Variants in PEX16 observed in about 807,000 individuals in gnomAD.
The protein encoded by PEX16 is peroxin 16.
A neutral mutation model predicts 50.5 loss-of-function variants in PEX16; 37 were observed. The ratio of observed to expected loss-of-function variants is 0.73; its 90% confidence interval spans 0.56 to 0.96. The LOEUF is 0.96. PEX16 is among the 40% of genes least tolerant of loss of function. The pLI is 0.00. For missense variants in PEX16, 401 were observed against 438.3 expected, an observed-to-expected ratio of 0.91 and a Z score of 0.76; for synonymous variants, 185 against 190.3, an observed-to-expected ratio of 0.97 and a Z score of 0.23.
At chr11:45,917,938 G>C (rs2086858174), upstream of PEX16, 3 of 734,396 alleles carry the variant, frequency 4.1e-6, no homozygotes, top group African/African-American at 5.2e-5. Context: ...CCGCGGGCCA[G>C]AAGGCTGAGG....
intron 10 of PEX16, 111 bp downstream of exon 10, chr11:45,910,787 C>G: frequency 9.1e-7 from 1 of 1,100,958 alleles, no homozygotes. Context: ...TCCCGACTTC[C>G]TCTCCTGACT....
upstream of PEX16, chr11:45,918,398 TCAACAAAG>T: frequency 5.6e-6 from 1 of 178,498 alleles, no homozygotes; most frequent in Non-Finnish European, 1.2e-5. Context: ...CTCCGTTTCC[TCAACAAAG>T]GTAGTGCTGG....
chr11:45,917,952 T>TG (rs2086858386), upstream of PEX16: 1 of 715,742 alleles, frequency 1.4e-6, no homozygotes, highest in Admixed American at 2.0e-5. Flanking sequence ...GCTGAGGACT[T>TG]GAAGAACCGG....
At chr11:45,917,966 A>G, upstream of PEX16, 2 of 695,992 alleles carry the variant, frequency 2.9e-6, no homozygotes, top group Non-Finnish European at 5.2e-6. Flanking sequence ...GAACCGGTGA[A>G]CCACCCTTCA....
chr11:45,917,664 G>A, intron 1 of PEX16, 36 bp downstream of exon 1: 6 of 1,516,354 alleles, frequency 4.0e-6, no homozygotes, highest in Non-Finnish European at 5.4e-6. Context: ...CATAGGTCAG[G>A]GCCCAGAAGG....
intron 1 of PEX16, 101 bp from the exon 2 acceptor site, chr11:45,917,594 G>C: frequency 6.6e-7 from 1 of 1,517,718 alleles, no homozygotes; most frequent in Non-Finnish European, 9.0e-7. Context: ...GAACCTGGAC[G>C]GGTCTTCTCA....
At chr11:45,911,451 G>C (rs960906676) in intron 9 of PEX16, among the ~76,000 whole-genome samples, 2 of 152,260 alleles carry the variant, frequency 1.3e-5, no homozygotes, top group South Asian at 2.1e-4. Flanking sequence ...CAGGGGAAGG[G>C]GCAAGGCCCA....
rs3215273 is a variant in PEX16, at chr11:45,916,417, CTA to C, written c.149-116_149-115del. 499,318 of 831,730 alleles carry C rather than the reference CTA, an allele frequency of 0.6. 164,236 individuals carry two copies. Among genetic ancestry groups the C allele is most frequent in the Non-Finnish European group, 0.7 (335,154 of 479,600 alleles). The allele number at this position is 831,730 out of a possible 1,614,324, so 51.5% of individuals were successfully genotyped here. A position where few individuals can be genotyped will look rare whatever the true frequency, so the allele number is the denominator to read the frequency against. ...CATGCTCTGCTCAGACACCCACAGA[CTA>C]TGTGGAAACCAACCTTCTTCTCCAC... On this transcript the variant is annotated intron_variant, in intron 2 of 10. Transcript: ENST00000378750.
chr11:45,914,452 G>A lies in PEX16; in HGVS notation c.558C>T (p.Ser186=). Residue 186 remains serine (S), a synonymous_variant, in exon 7 of 11, where the codon TCC becomes TCT. Coordinates refer to ENST00000378750, the MANE Select transcript of PEX16 (RefSeq NM_004813.4). ...GCTGCTGGGGAGCTCCCCAGTGCCT[G>A]GAGTGCAGGGACGGCGCTAGAACAC... is the stretch of plus-strand genomic sequence containing the variant. The part of the protein sequence containing the change: ...RTLQNTPSLH[S]RHWGAPQQRE... 1 of 1,608,304 alleles carries A rather than the reference G, an allele frequency of 6.2e-7. No individual in the cohort carries two copies. Among genetic ancestry groups the A allele is most frequent in the Non-Finnish European group, 8.5e-7 (1 of 1,179,926 alleles).
chr11:45,910,283 G>A lies in PEX16; in HGVS notation c.982C>T (p.Gln328Ter), dbSNP rs1306147163. Residue 328 changes from glutamine (Q) to a stop codon, truncating the protein, a stop_gained, in exon 11 of 11, where the codon CAG becomes TAG. Transcript: ENST00000378750. LOFTEE classifies it high-confidence loss of function. ...CCCCAACTGTAGAAGTAGATTTTCT[G>A]CCAGGTGGGCAAGTAATCCATGAGC... Reference protein sequence around the residue: ...RPLMDYLPTWQKIYFYSWG With the variant: ...RPLMDYLPTW The A allele has an allele frequency of 6.2e-7, 1 of 1,611,504 alleles. No individual in the cohort carries two copies.
Position 45,910,975 on chromosome 11 carries a change from A to G in PEX16, c.888-13T>C. On this transcript the variant is annotated splice_polypyrimidine_tract_variant and intron_variant, in intron 9 of 10. Coordinates refer to ENST00000378750, the MANE Select transcript of PEX16 (RefSeq NM_004813.4). ...GAGGATCCTGGCCCTGGGGGAGGCA[A>G]TAAATGGGGAGCAAGCTGAGTGGGG... The G allele has an allele frequency of 6.2e-7, 1 of 1,603,430 alleles. No homozygotes were observed. Among genetic ancestry groups the G allele is most frequent in the South Asian group, 1.1e-5 (1 of 90,924 alleles).
At position 45,917,723 on chromosome 11, in the gene PEX16, C is replaced by T. The variant is rs1476173698; in HGVS notation, c.89G>A (p.Arg30Gln). 2 of 1,560,688 alleles carry T rather than the reference C, an allele frequency of 1.3e-6. No individual in the cohort carries two copies. The highest frequency in any genetic ancestry group is 1.7e-6 in the Non-Finnish European group (2 of 1,152,328). ...ACCTGCCAGCAGGTAACTGAAGCCC[C>T]GCACTGCTGTCTCCAGCTGGGCCGT... ...AATAQLETAV[R>Q]GFSYLLAGRF... Residue 30 changes from arginine to glutamine, a missense_variant, in exon 1 of 11, where the codon CGG becomes CAG. Coordinates refer to ENST00000378750, the MANE Select transcript of PEX16 (RefSeq NM_004813.4).
chr11:45,911,738 T>G (rs1350518622), intron 9 of PEX16, among the ~76,000 whole-genome samples: 4 of 152,120 alleles, frequency 2.6e-5, no homozygotes, highest in Non-Finnish European at 5.9e-5. Context: ...AGAGGAAGCC[T>G]GGGGGCCGGG....
At chr11:45,912,227 G>A (rs747246386) in intron 9 of PEX16, among the ~76,000 whole-genome samples, 3 of 152,076 alleles carry the variant, frequency 2.0e-5, no homozygotes, top group Admixed American at 6.5e-5. Context: ...GGCCAGGCGC[G>A]GTGGCTCACG....
At chr11:45,912,998 A>T (rs1249886330) in intron 9 of PEX16, among the ~76,000 whole-genome samples, 13 of 149,382 alleles carry the variant, frequency 8.7e-5, no homozygotes, top group East Asian at 4.1e-4. Context: ...AATTATTATT[A>T]TTTTTTTTTT....
At chr11:45,918,218 G>A (rs1020709372), upstream of PEX16, 2 of 298,754 alleles carry the variant, frequency 6.7e-6, no homozygotes, top group South Asian at 6.4e-5. Flanking sequence ...GGAGCCCCGA[G>A]TCTTTCCAAT....
At chr11:45,911,056 C>T (rs1489464017) in intron 9 of PEX16, 94 bp from the exon 10 acceptor site, 20 of 845,800 alleles carry the variant, frequency 2.4e-5, no homozygotes, top group Non-Finnish European at 3.6e-5. Context: ...ACCACCGTGC[C>T]GAATGCAGCG....
In PEX16 at chr11:45,915,761, C is replaced by T. The variant is rs2086827801; in HGVS notation, c.301G>A (p.Ala101Thr). ...CGGCCCACTTCACCCCACACCTTGG[C>T]AGCTCCCATCTCCATGAACACCTCC... Reference protein sequence around the residue: ...CVEVFMEMGAAKVWGEVGRWL... With the variant: ...CVEVFMEMGATKVWGEVGRWL... Residue 101 changes from alanine (A) to threonine (T), a missense_variant, in exon 4 of 11, where the codon GCC becomes ACC. Physicochemically the swap from Ala to Thr is moderately conservative, Grantham distance 58 (BLOSUM62 0). Transcript: ENST00000378750. 2 of 1,614,064 alleles carry T rather than the reference C, an allele frequency of 1.2e-6. No individual in the cohort carries two copies. The highest frequency in any genetic ancestry group is 2.7e-5 in the African/African-American group (2 of 75,016).
At chr11:45,915,009 C>T (rs2086819549) in intron 5 of PEX16, among the ~76,000 whole-genome samples, 1 of 152,224 alleles carries the variant, frequency 6.6e-6, no homozygotes, top group African/African-American at 2.4e-5. Context: ...CCAGAGGGGC[C>T]GTCTCCTCTC....
Sources: gnomAD v4.1 joint callset for allele counts (sites outside exome capture counted in the v4.1 genomes callset) on GRCh38, gnomAD v4.1.1 for gene constraint, MANE v1.5 for transcripts, NCBI Gene and HGNC (gene_info 2026-07-23, HGNC 2026-07-21) for gene names.